Variants in MARCHF1 observed in about 807,000 individuals in gnomAD.
MARCHF1 encodes E3 ubiquitin-protein ligase MARCHF1.
MARCHF1 carries 40 observed loss-of-function variants against 54.2 expected under a neutral mutation model. The ratio of observed to expected loss-of-function variants is 0.74; its 90% CI spans 0.57 to 0.96. MARCHF1 has a LOEUF of 0.96. Among genes scored for constraint, MARCHF1 ranks in the 40% least tolerant of loss-of-function variants. The pLI is 0.00. For missense variants in MARCHF1, 586 were observed against 656.5 expected, an observed-to-expected ratio of 0.89 and a Z score of 1.17; for synonymous variants, 236 against 236.3, an observed-to-expected ratio of 1.00 and a Z score of 0.01.
At chr4:164,249,963 A>G (rs373175269) in intron 1 of MARCHF1, among the ~76,000 whole-genome samples, 5 of 152,226 alleles carry the variant, frequency 3.3e-5, no homozygotes, top group East Asian at 1.9e-4. Flanking sequence ...CTCCATATAC[A>G]TTTCTATGCA....
Position 163,676,610 on chromosome 4 carries a change from G to T in MARCHF1, c.162+24203C>A, listed in dbSNP as rs542881338. Reference sequence around the variant, plus strand: ...AAATAAATAACTAATTAAAAAATTGGCAGGGCATGGTGGCAAATTACTGCA... The same window carrying T: ...AAATAAATAACTAATTAAAAAATTGTCAGGGCATGGTGGCAAATTACTGCA... On this transcript the variant is annotated intron_variant, in intron 5 of 9. Coordinates refer to ENST00000514618, the MANE Select transcript of MARCHF1 (RefSeq NM_001394959.1). 1.1e-4 allele frequency among the ~76,000 whole-genome samples: 16 copies of T among 152,140 alleles called. No homozygotes were observed. In the East Asian group the frequency reaches 2.9e-3, roughly 28 times the overall value.
chr4:163,980,871 T>A (rs1037051598), intron 3 of MARCHF1, among the ~76,000 whole-genome samples: 1 of 152,204 alleles, frequency 6.6e-6, no homozygotes, highest in Non-Finnish European at 1.5e-5. Context: ...TGAATAAAAT[T>A]GGAAAGTAAA....
intron 1 of MARCHF1, among the ~76,000 whole-genome samples, chr4:164,229,281 G>A (rs1027774153): frequency 2.6e-5 from 4 of 152,128 alleles, no homozygotes; most frequent in African/African-American, 9.7e-5. Context: ...AATTTCAGAC[G>A]CGAGGTTATA....
intron 5 of MARCHF1, among the ~76,000 whole-genome samples, chr4:163,640,560 T>C (rs72991557): frequency 0.056 from 8,581 of 152,210 alleles, 800 homozygotes; most frequent in African/African-American, 0.19. Context: ...CTATGGACCA[T>C]AGCCATGGAT....
At position 163,916,110 on chromosome 4, in the gene MARCHF1, G is replaced by T. The variant is rs534284040; in HGVS notation, c.-38-61941C>A. On this transcript the variant is annotated intron_variant, in intron 3 of 9. Coordinates refer to ENST00000514618, the MANE Select transcript of MARCHF1 (RefSeq NM_001394959.1). ...GGCCAGTGCATGGAACTTGGAGCCT[G>T]ATTGAATGCCAGTGATGAGGCAGGT... 2.6e-5 allele frequency among the ~76,000 whole-genome samples: 4 copies of T among 152,292 alleles called. No individual in the cohort carries two copies. In the South Asian group the frequency reaches 8.3e-4, roughly 32 times the overall value.
At chr4:163,813,686 G>C (rs1579307198) in intron 4 of MARCHF1, among the ~76,000 whole-genome samples, 1 of 152,158 alleles carries the variant, frequency 6.6e-6, no homozygotes, top group Admixed American at 6.5e-5. Context: ...GTGAAGAAAT[G>C]AGTTGCAAAT....
At chr4:164,275,367 T>C (rs1733852957) in intron 1 of MARCHF1, among the ~76,000 whole-genome samples, 1 of 152,214 alleles carries the variant, frequency 6.6e-6, no homozygotes, top group Non-Finnish European at 1.5e-5. Flanking sequence ...AGTACAAAGC[T>C]AATTGACTTC....
At chr4:164,263,715 A>C (rs577066418) in intron 1 of MARCHF1, among the ~76,000 whole-genome samples, 1 of 152,348 alleles carries the variant, frequency 6.6e-6, no homozygotes, top group East Asian at 1.9e-4. Flanking sequence ...AAAAGAATAC[A>C]TGCATGCAGC....
intron 2 of MARCHF1, among the ~76,000 whole-genome samples, chr4:164,010,229 G>A (rs1282059195): frequency 2.0e-5 from 3 of 151,028 alleles, no homozygotes; most frequent in Non-Finnish European, 4.4e-5. Context: ...ACCACGCTCA[G>A]CGTTTTTTTT....
intron 1 of MARCHF1, among the ~76,000 whole-genome samples, chr4:164,328,413 T>A (rs1242497510): frequency 6.6e-6 from 1 of 152,198 alleles, no homozygotes; most frequent in Admixed American, 6.6e-5. Flanking sequence ...AATTCAAATA[T>A]GAAAACTGTG....
chr4:164,188,361 C>T (rs533226807), intron 1 of MARCHF1: 4 of 469,036 alleles, frequency 8.5e-6, no homozygotes, highest in South Asian at 6.5e-5. Flanking sequence ...CGCCCTGCCT[C>T]TGCTGCCCGA....
chr4:163,716,447 A>C (rs1745259800), intron 4 of MARCHF1, among the ~76,000 whole-genome samples: 1 of 152,220 alleles, frequency 6.6e-6, no homozygotes, highest in Non-Finnish European at 1.5e-5. Context: ...CAGTTAAGTT[A>C]AACTTAGGCA....
intron 4 of MARCHF1, among the ~76,000 whole-genome samples, chr4:163,741,157 A>G (rs922190082): frequency 6.6e-6 from 1 of 152,220 alleles, no homozygotes; most frequent in African/African-American, 2.4e-5. Flanking sequence ...TAAATAATTT[A>G]AAATCACTAT....
intron 4 of MARCHF1, among the ~76,000 whole-genome samples, chr4:163,830,164 A>G (rs536396210): frequency 8.5e-5 from 13 of 152,268 alleles, no homozygotes; most frequent in African/African-American, 3.1e-4. Flanking sequence ...TTTGAAGAAT[A>G]AATGCAGACT....
At chr4:163,582,349 G>A (rs184068040) in intron 8 of MARCHF1, among the ~76,000 whole-genome samples, 21 of 152,106 alleles carry the variant, frequency 1.4e-4, no homozygotes, top group South Asian at 4.2e-4. Flanking sequence ...TTGGATAAGC[G>A]CTTGATTTTA....
chr4:163,778,556 G>A (rs1747370291), intron 4 of MARCHF1, among the ~76,000 whole-genome samples: 1 of 151,982 alleles, frequency 6.6e-6, no homozygotes, highest in East Asian at 1.9e-4. Flanking sequence ...GGAACTATGT[G>A]TCTTCTTACA....
At chr4:163,761,569 C>G (rs1746826924) in intron 4 of MARCHF1, among the ~76,000 whole-genome samples, 1 of 152,202 alleles carries the variant, frequency 6.6e-6, no homozygotes, top group Admixed American at 6.5e-5. Flanking sequence ...GATCAGCCAG[C>G]AGGTAATTGC....
intron 2 of MARCHF1, among the ~76,000 whole-genome samples, chr4:164,033,463 G>A (rs762846813): frequency 6.6e-6 from 1 of 152,110 alleles, no homozygotes; most frequent in African/African-American, 2.4e-5. Flanking sequence ...CACAGCAAAA[G>A]AAACTATCAT....
At chr4:164,164,444 C>A (rs1730317639) in intron 1 of MARCHF1, among the ~76,000 whole-genome samples, 3 of 151,856 alleles carry the variant, frequency 2.0e-5, no homozygotes, top group Admixed American at 2.0e-4. Context: ...ATTTTATGAA[C>A]ATTATGAAAT....
Sources: gnomAD v4.1 joint callset for allele counts (sites outside exome capture counted in the v4.1 genomes callset) on GRCh38, gnomAD v4.1.1 for gene constraint, MANE v1.5 for transcripts, NCBI Gene and HGNC (gene_info 2026-07-23, HGNC 2026-07-21) for gene names.